The following CERS3 variants were observed in gnomAD, a reference collection of about 807,000 sequenced individuals.
CERS3 encodes the protein ceramide synthase 3.
In CERS3, 33 loss-of-function variants were observed where a neutral mutation model predicts 50.3. That is an observed-to-expected ratio of 0.66 (90% CI 0.50 to 0.88). The LOEUF (loss-of-function observed/expected upper bound fraction) is 0.88, where lower values mean the gene tolerates loss of function less well. Ranked by LOEUF, CERS3 falls within the 40% of genes least tolerant of loss-of-function variation. CERS3 has a pLI of 0.00. For missense variants in CERS3, 470 were observed against 460.3 expected (o/e 1.02, Z -0.19); for synonymous variants, 176 against 155.2 (o/e 1.13, Z -0.99).
At chr15:100,508,669 T>C (rs1020474076) in intron 2 of CERS3, among the ~76,000 whole-genome samples, 19 of 152,310 alleles carry the variant, frequency 1.2e-4, no homozygotes, top group African/African-American at 4.3e-4. Flanking sequence ...TTAGTTCATG[T>C]CCCATCTTTA....
chr15:100,511,250 A>G (rs1367429914), intron 2 of CERS3, among the ~76,000 whole-genome samples: 1 of 152,084 alleles, frequency 6.6e-6, no homozygotes, highest in African/African-American at 2.4e-5. Flanking sequence ...GATTACACCA[A>G]TGCACTCCAG....
chr15:100,458,746 T>C (rs1166202463), intron 10 of CERS3, among the ~76,000 whole-genome samples: 1 of 152,212 alleles, frequency 6.6e-6, no homozygotes, highest in Admixed American at 6.5e-5. Flanking sequence ...CTCTCAAAAC[T>C]ATATTCTTTA....
In CERS3 at chr15:100,401,750, G is replaced by GT. The variant is rs375065597; in HGVS notation, c.*962dup. On this transcript the variant is annotated 3_prime_UTR_variant, in exon 12 of 12. Coordinates refer to ENST00000679737, the MANE Select transcript of CERS3 (RefSeq NM_001378789.1). ...CCCATTCCCCCGTGGAGGTCCCCAG[G>GT]TACTGTGCTGGCCTGAAGGAAGGGC... 6.6e-6 allele frequency: 1 copy of GT among 152,414 alleles called. No homozygotes were observed. Among genetic ancestry groups the GT allele is most frequent in the African/African-American group, 2.4e-5 (1 of 41,554 alleles). 9.4% of individuals were successfully genotyped at this position (152,414 alleles called of 1,614,324 possible). A position where few individuals can be genotyped will look rare whatever the true frequency, so the allele number is the denominator to read the frequency against.
At chr15:100,488,927 C>A (rs1334438798) in intron 4 of CERS3, among the ~76,000 whole-genome samples, 10 of 152,116 alleles carry the variant, frequency 6.6e-5, no homozygotes, top group Non-Finnish European at 4.4e-5. Context: ...CAGGCACTCG[C>A]CACCACGCCC....
chr15:100,480,002 G>T lies in CERS3; in HGVS notation c.452C>A (p.Ala151Glu), dbSNP rs372884134. ...AAGATAACTTACATCATAAAGAAAC[G>T]CAATTCCAGCAACAGTGATCATTAA... is the stretch of plus-strand genomic sequence containing the variant. The part of the protein sequence containing the change: ...FYLMITVAGI[A>E]FLYDKPWLYD... The change falls in exon 6 of 12, where the codon GCG becomes GAG. Residue 151 changes from alanine to glutamate, a missense_variant. Ala to Glu is a moderately radical substitution (Grantham distance 107). Coordinates refer to ENST00000679737, the MANE Select transcript of CERS3 (RefSeq NM_001378789.1). 6 of 1,607,388 alleles carry T rather than the reference G, an allele frequency of 3.7e-6. No individual in the cohort carries two copies. The highest frequency in any genetic ancestry group is 4.2e-6 in the Non-Finnish European group (5 of 1,177,366).
intron 2 of CERS3, among the ~76,000 whole-genome samples, chr15:100,509,522 A>G (rs1308705882): frequency 2.6e-5 from 4 of 152,240 alleles, no homozygotes; most frequent in African/African-American, 9.6e-5. Context: ...GGAACAAGAA[A>G]TGGCAAGGTG....
In CERS3 at chr15:100,537,934, T is replaced by C. The variant is rs554688071; in HGVS notation, c.-355+6717A>G. Among the ~76,000 whole-genome samples the C allele has an allele frequency of 1.1e-4, 17 of 152,280 alleles. No homozygotes were observed. The South Asian group carries it at 1.2e-3, about 11-fold the overall frequency. ...CCTGTAAAATCAAAAGCAAGTTAGTTACTTCCTAGATACAATGGTGGTACA... is the reference window on the plus strand; with the variant it reads ...CCTGTAAAATCAAAAGCAAGTTAGTCACTTCCTAGATACAATGGTGGTACA... On this transcript the variant is annotated intron_variant, in intron 1 of 12. Coordinates refer to the CERS3 transcript ENST00000284382.
chr15:100,537,199 G>A (rs1596832442), intron 1 of CERS3, among the ~76,000 whole-genome samples: 1 of 152,302 alleles, frequency 6.6e-6, no homozygotes, highest in African/African-American at 2.4e-5. Flanking sequence ...ACAAGGGGGT[G>A]CCCTGTGAAA....
chr15:100,472,025 A>C (rs190724844), intron 9 of CERS3, among the ~76,000 whole-genome samples: 2 of 152,364 alleles, frequency 1.3e-5, no homozygotes, highest in Admixed American at 1.3e-4. Flanking sequence ...TAAATTTACT[A>C]TCTGGCCCTT....
At position 100,403,404 on chromosome 15, in the gene CERS3, T is replaced by G. The variant is rs558252118; in HGVS notation, c.1000-539A>C. 1.2e-4 allele frequency among the ~76,000 whole-genome samples: 18 copies of G among 151,690 alleles called. No individual in the cohort carries two copies. In the South Asian group the frequency reaches 1.3e-3, roughly 11 times the overall value. On this transcript the variant is annotated intron_variant, in intron 11 of 11. Coordinates refer to ENST00000679737, the MANE Select transcript of CERS3 (RefSeq NM_001378789.1). ...AGGCAAGCAAAAGGAAGGAAATAATTAGGACAAAACAATTAATGAAACTGA... is the reference window on the plus strand; with the variant it reads ...AGGCAAGCAAAAGGAAGGAAATAATGAGGACAAAACAATTAATGAAACTGA...
chr15:100,416,248 A>G (rs922871704), intron 11 of CERS3, among the ~76,000 whole-genome samples: 6 of 152,224 alleles, frequency 3.9e-5, no homozygotes, highest in African/African-American at 1.2e-4. Flanking sequence ...CTGTAAGGCT[A>G]CAGAACCCAA....
intron 11 of CERS3, among the ~76,000 whole-genome samples, chr15:100,451,837 C>G (rs956487453): frequency 3.3e-5 from 5 of 152,032 alleles, no homozygotes; most frequent in African/African-American, 1.2e-4. Flanking sequence ...ATACTTATAT[C>G]AGATACAGAT....
chr15:100,406,301 T>C (rs1007612385), intron 11 of CERS3, among the ~76,000 whole-genome samples: 9 of 152,174 alleles, frequency 5.9e-5, no homozygotes, highest in Admixed American at 3.9e-4. Flanking sequence ...TGAAGACTGT[T>C]TCTTCTCACA....
chr15:100,417,859 C>A (rs867754097), intron 11 of CERS3, among the ~76,000 whole-genome samples: 2 of 151,894 alleles, frequency 1.3e-5, no homozygotes, highest in Non-Finnish European at 2.9e-5. Context: ...AACAGACCTG[C>A]AGCTGAGGGT....
At chr15:100,409,502 G>T (rs931834167) in intron 11 of CERS3, among the ~76,000 whole-genome samples, 2 of 152,222 alleles carry the variant, frequency 1.3e-5, no homozygotes, top group African/African-American at 4.8e-5. Context: ...CGCAACTGCA[G>T]ATTTTTTCCA....
chr15:100,451,233 A>T (rs2034151902), intron 11 of CERS3, among the ~76,000 whole-genome samples: 2 of 152,232 alleles, frequency 1.3e-5, no homozygotes, highest in Admixed American at 6.5e-5. Flanking sequence ...AACAAAGGAT[A>T]TACAGAACAA....
intron 11 of CERS3, among the ~76,000 whole-genome samples, chr15:100,415,107 G>A (rs980352549): frequency 6.6e-6 from 1 of 151,864 alleles, no homozygotes; most frequent in Non-Finnish European, 1.5e-5. Context: ...CAAAAAGTGG[G>A]TAAAGGATAT....
chr15:100,442,600 G>A (rs148701287), intron 11 of CERS3, among the ~76,000 whole-genome samples: 8 of 152,276 alleles, frequency 5.3e-5, no homozygotes, highest in Admixed American at 1.3e-4. Context: ...AGGAATGCTC[G>A]CAGCCTGGGA....
intron 6 of CERS3, among the ~76,000 whole-genome samples, chr15:100,479,766 C>G (rs1308737669): frequency 6.6e-6 from 1 of 151,942 alleles, no homozygotes; most frequent in African/African-American, 2.4e-5. Context: ...AAACAAGTAA[C>G]TGTATGAACC....
Sources: allele counts gnomAD v4.1 joint callset (sites outside exome capture counted in the v4.1 genomes callset), GRCh38; gene constraint gnomAD v4.1.1; transcripts MANE v1.5; gene names NCBI Gene and HGNC (gene_info 2026-07-23, HGNC 2026-07-21).